CDK14: variants seen among roughly 807,000 people sequenced by gnomAD.
CDK14 encodes cyclin-dependent kinase 14.
CDK14 carries 34 observed loss-of-function variants against 60.7 expected under a neutral mutation model. That is an observed-to-expected ratio of 0.56 (90% CI 0.43 to 0.75). CDK14 has a LOEUF of 0.75. Ranked by LOEUF, CDK14 falls within the 30% of genes least tolerant of loss-of-function variation. CDK14 has a pLI of 0.00. For missense variants in CDK14, 482 were observed against 564.1 expected (o/e 0.85, Z 1.47); for synonymous variants, 197 against 203.7 (o/e 0.97, Z 0.28).
At chr7:90,812,586 G>T (rs1214857651) in intron 5 of CDK14, among the ~76,000 whole-genome samples, 1 of 152,036 alleles carries the variant, frequency 6.6e-6, no homozygotes, top group African/African-American at 2.4e-5. Context: ...CCTGCACATT[G>T]TGCACATGTA....
chr7:90,818,248 G>GA, intron 5 of CDK14, among the ~76,000 whole-genome samples: 1 of 152,134 alleles, frequency 6.6e-6, no homozygotes, highest in Non-Finnish European at 1.5e-5. Flanking sequence ...TTAAGTCCTG[G>GA]AAAAATGGAT....
At chr7:91,126,129 A>G (rs1036777611) in intron 14 of CDK14, among the ~76,000 whole-genome samples, 1 of 152,204 alleles carries the variant, frequency 6.6e-6, no homozygotes, top group Non-Finnish European at 1.5e-5. Context: ...TGCCAAATTA[A>G]CCATCTCCGG....
intron 4 of CDK14, among the ~76,000 whole-genome samples, chr7:90,776,306 C>T (rs1369661587): frequency 1.3e-5 from 2 of 152,154 alleles, no homozygotes; most frequent in East Asian, 3.8e-4. Flanking sequence ...TCCTCAAGGG[C>T]TGTATGCATG....
chr7:90,678,253 G>C (rs1037084506), intron 2 of CDK14, among the ~76,000 whole-genome samples: 1 of 152,190 alleles, frequency 6.6e-6, no homozygotes, highest in Non-Finnish European at 1.5e-5. Flanking sequence ...TAAGCAGAGG[G>C]AACAGCAGAG....
chr7:90,840,462 T>C (rs1288865233), intron 5 of CDK14, among the ~76,000 whole-genome samples: 1 of 152,218 alleles, frequency 6.6e-6, no homozygotes, highest in Non-Finnish European at 1.5e-5. Flanking sequence ...CATTCTTCTC[T>C]AATTAACTAT....
chr7:90,802,846 A>G (rs147788922), intron 5 of CDK14, among the ~76,000 whole-genome samples: 1 of 152,348 alleles, frequency 6.6e-6, no homozygotes, highest in East Asian at 1.9e-4. Flanking sequence ...TCCCAAAAGG[A>G]GATCAAGAAG....
At chr7:90,818,067 C>T (rs1406285702) in intron 5 of CDK14, among the ~76,000 whole-genome samples, 2 of 152,192 alleles carry the variant, frequency 1.3e-5, no homozygotes, top group African/African-American at 4.8e-5. Context: ...GAAGTTAAGA[C>T]TTAACCCTGA....
At chr7:90,661,308 G>T (rs189293958) in intron 2 of CDK14, among the ~76,000 whole-genome samples, 3 of 152,218 alleles carry the variant, frequency 2.0e-5, no homozygotes, top group Non-Finnish European at 4.4e-5. Flanking sequence ...TGTTGAGCAG[G>T]GCCACTGTAG....
intron 2 of CDK14, among the ~76,000 whole-genome samples, chr7:90,714,448 T>A (rs888258657): frequency 2.0e-5 from 3 of 152,056 alleles, no homozygotes; most frequent in African/African-American, 7.2e-5. Context: ...CAGGAAAGGT[T>A]TACAGAACTG....
intron 4 of CDK14, among the ~76,000 whole-genome samples, chr7:90,753,767 A>G (rs972234163): frequency 3.3e-5 from 5 of 152,210 alleles, no homozygotes; most frequent in African/African-American, 1.2e-4. Context: ...GAATTGATGA[A>G]TGACTTCAGT....
chr7:90,996,040 C>T (rs1351829940), intron 10 of CDK14, among the ~76,000 whole-genome samples: 1 of 152,178 alleles, frequency 6.6e-6, no homozygotes, highest in Non-Finnish European at 1.5e-5. Context: ...GGAAGTCATT[C>T]TTCGGTTAGA....
rs761378159 is a variant in CDK14, at chr7:90,596,612, G to A, written c.-16G>A. The A allele has an allele frequency of 3.4e-5, 54 of 1,609,646 alleles. No individual in the cohort carries two copies. The Admixed American group carries it at 8.7e-4, about 26-fold the overall frequency. ...GGACCAGTTTGGGGAAGTTGTCGGGGCTCCGCGTCGCCCAGATGTGTGACC... is the reference window on the plus strand; with the variant it reads ...GGACCAGTTTGGGGAAGTTGTCGGGACTCCGCGTCGCCCAGATGTGTGACC... On this transcript the variant is annotated 5_prime_UTR_variant, in exon 1 of 15. Transcript: ENST00000380050.
intron 6 of CDK14, among the ~76,000 whole-genome samples, chr7:90,874,868 C>T (rs1487652256): frequency 1.3e-5 from 2 of 152,050 alleles, no homozygotes; most frequent in South Asian, 2.1e-4. Context: ...AGCTTTATTA[C>T]GATACAATTC....
chr7:91,034,213 G>A (rs937991503), intron 10 of CDK14, among the ~76,000 whole-genome samples: 2 of 152,114 alleles, frequency 1.3e-5, no homozygotes, highest in Non-Finnish European at 2.9e-5. Flanking sequence ...CTGAGAGACT[G>A]TCTAGTTAAA....
intron 2 of CDK14, among the ~76,000 whole-genome samples, chr7:90,721,199 T>G (rs1291985425): frequency 6.6e-6 from 1 of 152,170 alleles, no homozygotes; most frequent in East Asian, 1.9e-4. Flanking sequence ...TCATGCTGCT[T>G]GGACCCTCCC....
intron 6 of CDK14, among the ~76,000 whole-genome samples, chr7:90,884,144 G>T (rs1159942544): frequency 2.0e-5 from 3 of 152,176 alleles, no homozygotes; most frequent in African/African-American, 7.2e-5. Flanking sequence ...AAGTCAAGTT[G>T]TCTCTGTTTG....
chr7:90,851,774 G>GT (rs35561978), intron 5 of CDK14, among the ~76,000 whole-genome samples: 62,373 of 149,446 alleles, frequency 0.42, 13,348 homozygotes, highest in Middle Eastern at 0.53. Flanking sequence ...TTGAATACCT[G>GT]TTTTTTTTTT....
chr7:90,857,747 A>G (rs576564832), intron 5 of CDK14, among the ~76,000 whole-genome samples: 54 of 152,298 alleles, frequency 3.5e-4, no homozygotes, highest in African/African-American at 1.3e-3. Flanking sequence ...TGTAGGTGTT[A>G]ATCTCTGGAC....
chr7:91,026,942 TC>T (rs1584243808), intron 10 of CDK14, among the ~76,000 whole-genome samples: 1 of 152,296 alleles, frequency 6.6e-6, no homozygotes, highest in African/African-American at 2.4e-5. Flanking sequence ...TAGAACATGT[TC>T]CCCTCTTTGT....
Sources: gnomAD v4.1 joint callset for allele counts (sites outside exome capture counted in the v4.1 genomes callset) on GRCh38, gnomAD v4.1.1 for gene constraint, MANE v1.5 for transcripts, NCBI Gene and HGNC (gene_info 2026-07-23, HGNC 2026-07-21) for gene names.